Variants in C9orf85 observed in about 807,000 individuals in gnomAD.
C9orf85 encodes chromosome 9 open reading frame 85.
In C9orf85, 16 loss-of-function variants were observed where a neutral mutation model predicts 14.9. The observed-to-expected ratio is 1.08, with a 90% CI of 0.73 to 1.63. C9orf85 has a LOEUF of 1.63. Among genes scored for constraint, C9orf85 ranks in the 40% most tolerant of loss-of-function variants. The probability of loss-of-function intolerance (pLI) is 0.00; values close to 1 mark genes in which losing one functional copy is unlikely to be tolerated. For missense variants in C9orf85, 172 were observed against 186.1 expected (o/e 0.92, Z 0.44); for synonymous variants, 45 against 56.8 (o/e 0.79, Z 0.93).
chr9:71,971,676 T>C, intron 3 of C9orf85, 58 bp downstream of exon 3: 3 of 1,217,364 alleles, frequency 2.5e-6, no homozygotes, highest in Non-Finnish European at 3.6e-6. Context: ...ATGAATTTCT[T>C]TTAAGAGATG....
At chr9:71,936,019 A>G (rs1828181319) in intron 1 of C9orf85, among the ~76,000 whole-genome samples, 1 of 151,976 alleles carries the variant, frequency 6.6e-6, no homozygotes, top group African/African-American at 2.4e-5. Context: ...TAAGGAAGTA[A>G]AGAGATATAC....
intron 1 of C9orf85, among the ~76,000 whole-genome samples, chr9:71,924,810 A>G (rs1032221157): frequency 6.6e-6 from 1 of 152,186 alleles, no homozygotes; most frequent in Non-Finnish European, 1.5e-5. Flanking sequence ...AGTCTTTATC[A>G]TAAGGCACTA....
intron 1 of C9orf85, among the ~76,000 whole-genome samples, chr9:71,919,062 A>G (rs939466492): frequency 6.6e-6 from 1 of 152,074 alleles, no homozygotes; most frequent in Non-Finnish European, 1.5e-5. Flanking sequence ...GAGCCTGGGT[A>G]CTGATTTTTT....
chr9:71,918,576 C>G (rs945443344), intron 1 of C9orf85: 3 of 481,500 alleles, frequency 6.2e-6, no homozygotes, highest in South Asian at 3.8e-5. Flanking sequence ...TAAGCTTCAT[C>G]TGTATTTACA....
chr9:71,975,700 C>T (rs556442818), downstream of C9orf85, among the ~76,000 whole-genome samples: 20 of 151,354 alleles, frequency 1.3e-4, no homozygotes, highest in East Asian at 1.0e-3. Flanking sequence ...CGCCTGGTGG[C>T]GCATCCCTGT....
intron 2 of C9orf85, among the ~76,000 whole-genome samples, chr9:71,964,232 G>C (rs1462768303): frequency 6.6e-6 from 1 of 152,084 alleles, no homozygotes; most frequent in East Asian, 1.9e-4. Context: ...GCACCAGTCA[G>C]CGCCCTGTCA....
intron 1 of C9orf85, among the ~76,000 whole-genome samples, chr9:71,936,027 T>C (rs577110398): frequency 6.6e-6 from 1 of 151,892 alleles, no homozygotes; most frequent in African/African-American, 2.4e-5. Context: ...TAAAGAGATA[T>C]ACAGGTGAAA....
At chr9:71,937,263 G>A (rs1828213884) in intron 1 of C9orf85, among the ~76,000 whole-genome samples, 1 of 152,196 alleles carries the variant, frequency 6.6e-6, no homozygotes, top group Non-Finnish European at 1.5e-5. Context: ...GTTTCTGCCT[G>A]TAGGTAGGTG....
chr9:71,918,206 G>T (rs1234146818), intron 1 of C9orf85, among the ~76,000 whole-genome samples: 2 of 152,094 alleles, frequency 1.3e-5, no homozygotes, highest in Non-Finnish European at 2.9e-5. Flanking sequence ...AAGGACTGAT[G>T]AACCACCTAG....
chr9:71,917,175 G>A (rs1198803170), intron 1 of C9orf85, among the ~76,000 whole-genome samples: 2 of 152,212 alleles, frequency 1.3e-5, no homozygotes, highest in African/African-American at 4.8e-5. Context: ...TGGGTGTAAT[G>A]GAAGCAGTGT....
At chr9:71,978,664 T>G (rs1823046223) in intron 3 of C9orf85, among the ~76,000 whole-genome samples, 1 of 152,168 alleles carries the variant, frequency 6.6e-6, no homozygotes, top group South Asian at 2.1e-4. Flanking sequence ...GGGGAACTTC[T>G]GGAATGCTGG....
At chr9:71,970,863 C>G (rs530975303) in intron 2 of C9orf85, among the ~76,000 whole-genome samples, 15 of 145,240 alleles carry the variant, frequency 1.0e-4, no homozygotes, top group Non-Finnish European at 2.2e-4. Flanking sequence ...GAGTCCCACT[C>G]TTGCCCAGGC....
intron 1 of C9orf85, among the ~76,000 whole-genome samples, chr9:71,929,344 G>A (rs1472028550): frequency 6.6e-6 from 1 of 152,146 alleles, no homozygotes; most frequent in Non-Finnish European, 1.5e-5. Flanking sequence ...GTACCGGTTG[G>A]ACAAGATCTC....
At chr9:71,928,228 T>C (rs757541410) in intron 1 of C9orf85, among the ~76,000 whole-genome samples, 3 of 148,888 alleles carry the variant, frequency 2.0e-5, no homozygotes, top group Non-Finnish European at 3.0e-5. Flanking sequence ...CAATGGCTTA[T>C]GTGAATATCT....
intron 1 of C9orf85, among the ~76,000 whole-genome samples, chr9:71,922,915 G>A (rs575484307): frequency 2.0e-5 from 3 of 152,274 alleles, no homozygotes; most frequent in African/African-American, 7.2e-5. Context: ...AGATTACAAG[G>A]TCAGGAGTTT....
intron 2 of C9orf85, 38 bp downstream of exon 2, chr9:71,947,150 A>G (rs761229235): frequency 4.6e-6 from 6 of 1,309,938 alleles, no homozygotes; most frequent in Middle Eastern, 3.7e-4. Flanking sequence ...TTGGTGGTAT[A>G]TGTATCATAG....
At chr9:71,930,838 A>G (rs10781051) in intron 1 of C9orf85, among the ~76,000 whole-genome samples, 118,865 of 146,652 alleles carry the variant, frequency 0.81, 49,120 homozygotes, top group East Asian at 0.93. Context: ...GACACAAACA[A>G]AGGTTGAGAA....
At chr9:71,926,889 A>C (rs1166920823) in intron 1 of C9orf85, among the ~76,000 whole-genome samples, 1 of 151,956 alleles carries the variant, frequency 6.6e-6, no homozygotes, top group African/African-American at 2.4e-5. Flanking sequence ...TACAGAGGAC[A>C]TGGAAGGTAA....
At chr9:71,985,823 A>G (rs116879004), downstream of C9orf85, 6,977 of 152,326 alleles carry the variant, frequency 0.046, 233 homozygotes, top group Middle Eastern at 0.088. Flanking sequence ...TTGCTATAAT[A>G]GAGAAGAAAA....
Sources: allele counts gnomAD v4.1 joint callset (sites outside exome capture counted in the v4.1 genomes callset), GRCh38; gene constraint gnomAD v4.1.1; transcripts MANE v1.5; gene names NCBI Gene and HGNC (gene_info 2026-07-23, HGNC 2026-07-21).